The following CSMD3 variants were observed in gnomAD, a reference collection of about 807,000 sequenced individuals.
CSMD3 encodes the protein CUB and sushi domain-containing protein 3.
A neutral mutation model predicts 435.2 loss-of-function variants in CSMD3; 177 were observed. The ratio of observed to expected loss-of-function variants is 0.41; its 90% CI spans 0.36 to 0.46. The LOEUF (loss-of-function observed/expected upper bound fraction) is 0.46. Ranked by LOEUF, CSMD3 falls within the 20% of genes least tolerant of loss-of-function variation. The pLI is 0.34. For synonymous variants in CSMD3, 1,656 were observed against 1,520.5 expected, an observed-to-expected ratio of 1.09 and a Z score of -2.07; for missense variants, 4,265 against 4,504.6, an observed-to-expected ratio of 0.95 and a Z score of 1.52.
chr8:112,532,215 G>T (rs779253840), intron 27 of CSMD3, among the ~76,000 whole-genome samples: 5 of 151,910 alleles, frequency 3.3e-5, no homozygotes, highest in Admixed American at 6.6e-5. Context: ...AGGCTTACGA[G>T]ATTTAGAAAA....
rs1261504701 is a variant in CSMD3, at chr8:113,171,816, T to G, written c.709+1906A>C. Among the ~76,000 whole-genome samples, 3 of 152,170 alleles carry G rather than the reference T, an allele frequency of 2.0e-5. No homozygotes were observed. In the East Asian group the frequency reaches 5.8e-4, roughly 29 times the overall value. The stretch of plus-strand genomic sequence containing the variant: ...ACAGGTACCAGTTATCCTGCTTTTT[T>G]GTACCTGGTTATCCTTCTGTACAGA... On this transcript the variant is annotated intron_variant, in intron 4 of 70. Transcript: ENST00000297405.
intron 13 of CSMD3, among the ~76,000 whole-genome samples, chr8:112,787,376 G>T (rs2078572596): frequency 6.6e-6 from 1 of 152,026 alleles, no homozygotes; most frequent in South Asian, 2.1e-4. Context: ...ATACACTGTT[G>T]GTGAGAATGT....
chr8:112,407,443 T>C (rs948050475), intron 34 of CSMD3, among the ~76,000 whole-genome samples: 2 of 152,012 alleles, frequency 1.3e-5, no homozygotes, highest in Non-Finnish European at 2.9e-5. Context: ...ACAAATGTGA[T>C]TAAAGAGATT....
intron 6 of CSMD3, among the ~76,000 whole-genome samples, chr8:113,010,716 A>G (rs1156076): frequency 0.6 from 91,562 of 151,452 alleles, 29,295 homozygotes; most frequent in East Asian, 0.95. Flanking sequence ...AAATAAATAT[A>G]CAAACAAACC....
intron 59 of CSMD3, among the ~76,000 whole-genome samples, chr8:112,279,900 T>C (rs1449497818): frequency 6.6e-6 from 1 of 152,186 alleles, no homozygotes; most frequent in Non-Finnish European, 1.5e-5. Context: ...AGAGACAAAA[T>C]ATACGTGGGT....
intron 31 of CSMD3, among the ~76,000 whole-genome samples, chr8:112,489,393 C>A (rs1302344342): frequency 6.6e-6 from 1 of 152,112 alleles, no homozygotes; most frequent in African/African-American, 2.4e-5. Flanking sequence ...CCACTATACT[C>A]CAGCATGGGT....
chr8:113,304,838 G>A (rs1184546509), intron 2 of CSMD3, among the ~76,000 whole-genome samples: 5 of 140,286 alleles, frequency 3.6e-5, no homozygotes, highest in East Asian at 4.5e-4. Context: ...TGGGTGCAGC[G>A]CACCAGCATG....
chr8:112,730,678 C>T (rs2077055496), intron 13 of CSMD3, among the ~76,000 whole-genome samples: 2 of 152,094 alleles, frequency 1.3e-5, no homozygotes, highest in Non-Finnish European at 2.9e-5. Flanking sequence ...GCTGACTGCA[C>T]CACCAACACC....
At chr8:112,812,031 C>T (rs1404533898) in intron 12 of CSMD3, among the ~76,000 whole-genome samples, 2 of 152,040 alleles carry the variant, frequency 1.3e-5, no homozygotes, top group Admixed American at 6.6e-5. Flanking sequence ...AGTAGTCAGA[C>T]ATGAGCAGGG....
chr8:112,292,757 AT>A (rs765542439), intron 54 of CSMD3, 47 bp from the exon 55 acceptor site: 15 of 1,515,496 alleles, frequency 9.9e-6, no homozygotes, highest in Non-Finnish European at 1.2e-5. Context: ...CAGAAAAAAA[AT>A]ATTTAGTTAT....
At chr8:112,827,206 T>TATATATAA (rs1564000450) in intron 12 of CSMD3, among the ~76,000 whole-genome samples, 9 of 132,756 alleles carry the variant, frequency 6.8e-5, no homozygotes, top group African/African-American at 2.6e-4. Flanking sequence ...TATATATATA[T>TATATATAA]AATCTTTCTA....
At chr8:112,569,651 C>T (rs1011134896) in intron 24 of CSMD3, among the ~76,000 whole-genome samples, 1 of 152,058 alleles carries the variant, frequency 6.6e-6, no homozygotes. Flanking sequence ...TACAGGGTGA[C>T]TATCATTAAA....
intron 55 of CSMD3, among the ~76,000 whole-genome samples, chr8:112,292,281 T>A (rs1819838772): frequency 6.6e-6 from 1 of 152,258 alleles, no homozygotes; most frequent in East Asian, 1.9e-4. Flanking sequence ...AAATTAACTC[T>A]ACCACTTTTA....
chr8:112,245,817 C>T (rs781231990), intron 64 of CSMD3, among the ~76,000 whole-genome samples: 3 of 152,120 alleles, frequency 2.0e-5, no homozygotes, highest in African/African-American at 7.2e-5. Flanking sequence ...GGATTATAGG[C>T]GTGAGCCACC....
chr8:112,509,764 G>T (rs1427912574), intron 28 of CSMD3, among the ~76,000 whole-genome samples: 1 of 151,822 alleles, frequency 6.6e-6, no homozygotes, highest in South Asian at 2.1e-4. Flanking sequence ...ATTTCTACTG[G>T]TACATTTTTC....
chr8:112,800,206 G>A lies in CSMD3; in HGVS notation c.1928C>T (p.Thr643Met), dbSNP rs769522276. Reference protein sequence around the residue: ...MSSQMWLHLQTDESVGSVGFK... With the variant: ...MSSQMWLHLQMDESVGSVGFK... Reference sequence around the variant, plus strand: ...ACCAACAGATCCAACACTTTCGTCCGTTTGAAGGTGCAGCCACATTTGGCT... The same window carrying A: ...ACCAACAGATCCAACACTTTCGTCCATTTGAAGGTGCAGCCACATTTGGCT... Residue 643 changes from threonine to methionine, a missense_variant, in exon 13 of 71, where the codon ACG (threonine) becomes ATG (methionine). By Grantham distance (81) the Thr-to-Met change is moderately conservative (BLOSUM62 -1). Around this residue, in one of 3 missense-constraint regions of CSMD3, gnomAD observed 279 missense variants for 369.0 expected, o/e 0.76. Transcript: ENST00000297405. 3.7e-6 allele frequency: 6 copies of A among 1,612,604 alleles called. No individual in the cohort carries two copies. The highest frequency in any genetic ancestry group is 1.1e-5 in the South Asian group (1 of 91,058).
At chr8:113,103,271 T>C (rs924320760) in intron 4 of CSMD3, among the ~76,000 whole-genome samples, 1 of 152,136 alleles carries the variant, frequency 6.6e-6, no homozygotes, top group African/African-American at 2.4e-5. Context: ...TTGCTTAACA[T>C]ACAGATAATA....
At chr8:112,728,376 T>C (rs1360921303) in intron 13 of CSMD3, among the ~76,000 whole-genome samples, 8 of 151,990 alleles carry the variant, frequency 5.3e-5, no homozygotes, top group Non-Finnish European at 7.4e-5. Flanking sequence ...ATAAGTTATA[T>C]ATCTATACAC....
intron 7 of CSMD3, among the ~76,000 whole-genome samples, chr8:112,963,592 C>T (rs913559496): frequency 2.6e-5 from 4 of 151,842 alleles, no homozygotes; most frequent in East Asian, 1.9e-4. Context: ...ATCTAGACAA[C>T]GCAACTGTGC....
Sources: gnomAD v4.1 joint callset for allele counts (sites outside exome capture counted in the v4.1 genomes callset) on GRCh38, gnomAD v4.1.1 for gene constraint, gnomAD v4.1.1 regional missense constraint, MANE v1.5 for transcripts, NCBI Gene and HGNC (gene_info 2026-07-23, HGNC 2026-07-21) for gene names.